CTNND2: variants seen among roughly 807,000 people sequenced by gnomAD.
CTNND2 encodes catenin delta-2.
A neutral mutation model predicts 144.4 loss-of-function variants in CTNND2; 22 were observed. The observed-to-expected ratio is 0.15, with a 90% CI of 0.11 to 0.22. The LOEUF (loss-of-function observed/expected upper bound fraction) is 0.22. Among genes scored for constraint, CTNND2 ranks in the 10% least tolerant of loss-of-function variants. The pLI is 1.00. For missense variants in CTNND2, 1,353 were observed against 1,618.8 expected (o/e 0.84, Z 2.82); for synonymous variants, 751 against 695.6 (o/e 1.08, Z -1.25).
chr5:11,071,111 TTTATC>T (rs1191848810), intron 16 of CTNND2, among the ~76,000 whole-genome samples: 1 of 151,994 alleles, frequency 6.6e-6, no homozygotes, highest in Non-Finnish European at 1.5e-5. Context: ...CTAGGAAAGT[TTTATC>T]TTAGGAACAA....
At chr5:11,638,746 G>A (rs1182558278) in intron 2 of CTNND2, among the ~76,000 whole-genome samples, 1 of 151,958 alleles carries the variant, frequency 6.6e-6, no homozygotes, top group African/African-American at 2.4e-5. Flanking sequence ...GCTATTTTTT[G>A]TATTTATAGT....
chr5:11,271,140 G>A (rs915865708), intron 9 of CTNND2, among the ~76,000 whole-genome samples: 1 of 152,130 alleles, frequency 6.6e-6, no homozygotes, highest in African/African-American at 2.4e-5. Context: ...CCTCGCAAAG[G>A]TAGATGCATT....
chr5:11,850,870 T>C lies in CTNND2; in HGVS notation c.37+52947A>G, dbSNP rs559359353. Among the ~76,000 whole-genome samples, 16 of 152,356 alleles carry C rather than the reference T, an allele frequency of 1.1e-4. No individual in the cohort carries two copies. In the South Asian group the frequency reaches 3.1e-3, roughly 30 times the overall value. On this transcript the variant is annotated intron_variant, in intron 1 of 21. Coordinates refer to ENST00000304623, the MANE Select transcript of CTNND2 (RefSeq NM_001332.4). ...AGGAAACTTTATGTGTCTACTTGGCTAAGGTATCATGCCCAGCTGTTTGGT... is the reference window on the plus strand; with the variant it reads ...AGGAAACTTTATGTGTCTACTTGGCCAAGGTATCATGCCCAGCTGTTTGGT...
chr5:11,547,380 T>C (rs751032776), intron 3 of CTNND2, among the ~76,000 whole-genome samples: 5 of 152,062 alleles, frequency 3.3e-5, no homozygotes, highest in Non-Finnish European at 5.9e-5. Flanking sequence ...TATTTAAATG[T>C]TGTTTTAATT....
intron 16 of CTNND2, among the ~76,000 whole-genome samples, chr5:11,046,040 G>A (rs1240001962): frequency 1.3e-5 from 2 of 152,130 alleles, no homozygotes; most frequent in Non-Finnish European, 2.9e-5. Context: ...GCTACTTGGT[G>A]TGGGATGGGG....
At chr5:11,750,363 T>C (rs1788543345) in intron 1 of CTNND2, among the ~76,000 whole-genome samples, 1 of 151,934 alleles carries the variant, frequency 6.6e-6, no homozygotes. Flanking sequence ...GAAGAGTAAC[T>C]ATGTGGAAGA....
rs73055781 is a variant in CTNND2, at chr5:11,303,573, T to C, written c.1628+42799A>G. 9.8e-3 allele frequency among the ~76,000 whole-genome samples: 1,500 copies of C among 152,346 alleles called. 11 individuals carry two copies. Among genetic ancestry groups the C allele is most frequent in the African/African-American group, 0.034 (1,396 of 41,578 alleles). The stretch of plus-strand genomic sequence containing the variant: ...GCACAGACTTCACCTTCAATGAATG[T>C]AGGCCATCAGTATTTATCTGCTGAC... On this transcript the variant is annotated intron_variant, in intron 9 of 21. Coordinates refer to ENST00000304623, the MANE Select transcript of CTNND2 (RefSeq NM_001332.4).
chr5:11,548,378 G>A (rs1254950339), intron 3 of CTNND2, among the ~76,000 whole-genome samples: 1 of 152,060 alleles, frequency 6.6e-6, no homozygotes, highest in South Asian at 2.1e-4. Context: ...TTAAAACCAT[G>A]AATATGCAAA....
At chr5:11,328,787 C>CCA (rs1481282950) in intron 9 of CTNND2, among the ~76,000 whole-genome samples, 1 of 152,190 alleles carries the variant, frequency 6.6e-6, no homozygotes, top group African/African-American at 2.4e-5. Context: ...TCCCACTGAC[C>CCA]CACAGACAGC....
chr5:10,995,856 G>C (rs939783168), intron 18 of CTNND2, among the ~76,000 whole-genome samples: 6 of 152,190 alleles, frequency 3.9e-5, no homozygotes, highest in African/African-American at 1.2e-4. Context: ...GTGACAGGAA[G>C]ATAAGGATAT....
chr5:11,005,169 G>T (rs538016550), intron 18 of CTNND2, among the ~76,000 whole-genome samples: 91 of 152,360 alleles, frequency 6.0e-4, no homozygotes, highest in African/African-American at 2.1e-3. Flanking sequence ...GCATTCCTGG[G>T]GGAGGAATTG....
chr5:11,889,167 T>C (rs547757324), intron 1 of CTNND2, among the ~76,000 whole-genome samples: 2 of 152,276 alleles, frequency 1.3e-5, no homozygotes, highest in South Asian at 4.1e-4. Flanking sequence ...CTGGAGTAAC[T>C]AGACAGCATG....
At chr5:11,895,141 T>A (rs1737292475) in intron 1 of CTNND2, among the ~76,000 whole-genome samples, 1 of 152,004 alleles carries the variant, frequency 6.6e-6, no homozygotes, top group Non-Finnish European at 1.5e-5. Context: ...GAACACACAG[T>A]CAAGTGCCAG....
intron 3 of CTNND2, among the ~76,000 whole-genome samples, chr5:11,557,613 A>T (rs1776333742): frequency 6.6e-6 from 1 of 152,222 alleles, no homozygotes. Context: ...CTCCAGACCC[A>T]GATTTAAAGG....
At chr5:11,227,538 T>C (rs1301631515) in intron 10 of CTNND2, among the ~76,000 whole-genome samples, 4 of 152,206 alleles carry the variant, frequency 2.6e-5, no homozygotes, top group Non-Finnish European at 5.9e-5. Flanking sequence ...GGTAGTTGAC[T>C]GAAAAGATGA....
intron 2 of CTNND2, among the ~76,000 whole-genome samples, chr5:11,651,637 G>T (rs1408610248): frequency 6.6e-6 from 1 of 152,240 alleles, no homozygotes; most frequent in East Asian, 1.9e-4. Flanking sequence ...AGCCACAGGG[G>T]TGGAGATGCC....
intron 3 of CTNND2, among the ~76,000 whole-genome samples, chr5:11,554,981 T>C (rs911764607): frequency 6.6e-6 from 1 of 151,668 alleles, no homozygotes; most frequent in African/African-American, 2.4e-5. Context: ...AATAATACAA[T>C]AGATAATATG....
chr5:11,637,436 A>T (rs1244583232), intron 2 of CTNND2, among the ~76,000 whole-genome samples: 1 of 152,204 alleles, frequency 6.6e-6, no homozygotes, highest in Non-Finnish European at 1.5e-5. Flanking sequence ...GAATATGGAA[A>T]ATAATACCTT....
intron 1 of CTNND2, among the ~76,000 whole-genome samples, chr5:11,818,391 T>C (rs761601505): frequency 1.3e-5 from 2 of 151,956 alleles, no homozygotes; most frequent in South Asian, 2.1e-4. Context: ...CTTTTCTTTT[T>C]TTTTTTCCTC....
Sources: gnomAD v4.1 joint callset for allele counts (sites outside exome capture counted in the v4.1 genomes callset) on GRCh38, gnomAD v4.1.1 for gene constraint, MANE v1.5 for transcripts, NCBI Gene and HGNC (gene_info 2026-07-23, HGNC 2026-07-21) for gene names.